GRM8: variants seen among roughly 807,000 people sequenced by gnomAD.
The protein encoded by GRM8 is metabotropic glutamate receptor 8.
A neutral mutation model predicts 87.2 loss-of-function variants in GRM8; 47 were observed. The ratio of observed to expected loss-of-function variants is 0.54; its 90% CI spans 0.43 to 0.69. The LOEUF (loss-of-function observed/expected upper bound fraction) is 0.69, where lower values mean the gene tolerates loss of function less well. GRM8 is among the 30% of genes least tolerant of loss of function. GRM8 has a pLI of 0.00. For synonymous variants in GRM8, 396 were observed against 404.5 expected (o/e 0.98, Z 0.25); for missense variants, 1,019 against 1,139.2 (o/e 0.89, Z 1.52).
chr7:126,742,929 A>G (rs1815182860), intron 7 of GRM8, among the ~76,000 whole-genome samples: 1 of 151,994 alleles, frequency 6.6e-6, no homozygotes, highest in South Asian at 2.1e-4. Flanking sequence ...AAGGGACTCT[A>G]TCTTACATAT....
At chr7:126,798,410 G>C (rs1325766322) in intron 6 of GRM8, among the ~76,000 whole-genome samples, 1 of 152,142 alleles carries the variant, frequency 6.6e-6, no homozygotes, top group African/African-American at 2.4e-5. Flanking sequence ...TTTACATTTA[G>C]AGAAGGGAGG....
chr7:126,766,360 G>A (rs1216145196), intron 7 of GRM8, among the ~76,000 whole-genome samples: 1 of 152,028 alleles, frequency 6.6e-6, no homozygotes, highest in African/African-American at 2.4e-5. Flanking sequence ...AACTAAAAAG[G>A]AGCATACAAA....
chr7:126,705,724 A>C (rs1432373607), intron 7 of GRM8, among the ~76,000 whole-genome samples: 3 of 152,216 alleles, frequency 2.0e-5, no homozygotes, highest in Non-Finnish European at 4.4e-5. Flanking sequence ...TAAAACTGTT[A>C]AGATTTTTCA....
At chr7:127,159,529 G>A (rs893479339) in intron 2 of GRM8, among the ~76,000 whole-genome samples, 3 of 151,458 alleles carry the variant, frequency 2.0e-5, no homozygotes, top group African/African-American at 7.3e-5. Context: ...AAGCATGCTG[G>A]AATAAATACA....
chr7:126,683,887 C>T (rs1807884867), intron 7 of GRM8, among the ~76,000 whole-genome samples: 1 of 152,156 alleles, frequency 6.6e-6, no homozygotes, highest in Non-Finnish European at 1.5e-5. Context: ...TTGGACTGCA[C>T]TCCCTTTTGT....
At chr7:126,504,873 G>T (rs1023611307) in intron 9 of GRM8, among the ~76,000 whole-genome samples, 5 of 151,950 alleles carry the variant, frequency 3.3e-5, no homozygotes, top group African/African-American at 1.2e-4. Flanking sequence ...AGAGCTTCTT[G>T]CCCACTAATT....
rs1466564771 is a variant in GRM8 at position 126,685,343 on chromosome 7, C to A, written c.1358-75845G>T. Among the ~76,000 whole-genome samples, 1 of 152,116 alleles carries A rather than the reference C, an allele frequency of 6.6e-6. No individual in the cohort carries two copies. Among genetic ancestry groups the A allele is most frequent in the Non-Finnish European group, 1.5e-5 (1 of 68,002 alleles). On this transcript the variant is annotated intron_variant, in intron 7 of 10. Transcript: ENST00000339582. The surrounding 1 kb of genome is among the most constrained non-coding windows in gnomAD (Gnocchi z 4.2). The stretch of plus-strand genomic sequence containing the variant: ...AGGCGGAGCCGGGCCTGGGGTGGTA[C>A]CATGCTTCAGGGAGCCTGCAAGAGC...
chr7:126,676,298 T>C (rs1229027437), intron 7 of GRM8, among the ~76,000 whole-genome samples: 1 of 152,208 alleles, frequency 6.6e-6, no homozygotes, highest in African/African-American at 2.4e-5. Context: ...ATGGCCATCC[T>C]GCCCAAAGCA....
chr7:127,220,072 C>T (rs1156616160), intron 2 of GRM8, among the ~76,000 whole-genome samples: 1 of 152,202 alleles, frequency 6.6e-6, no homozygotes, highest in South Asian at 2.1e-4. Flanking sequence ...ACATTGACTA[C>T]TTGTGTTAGA....
chr7:127,187,694 GCT>G (rs1489405119), intron 2 of GRM8, among the ~76,000 whole-genome samples: 1 of 152,148 alleles, frequency 6.6e-6, no homozygotes, highest in African/African-American at 2.4e-5. Flanking sequence ...CACGGCCTCT[GCT>G]GTGTCAGGTC....
rs539916723 is a variant in GRM8 at position 127,181,609 on chromosome 7, T to C, written c.510+61086A>G. Among the ~76,000 whole-genome samples the C allele has an allele frequency of 2.6e-5, 4 of 152,028 alleles. No individual in the cohort carries two copies. The East Asian group carries it at 7.7e-4, about 29-fold the overall frequency. ...GATTTCAAACTATACTATAAGGCCA[T>C]AGTCACCCAAACAGCATGGTACTGG... On this transcript the variant is annotated intron_variant, in intron 2 of 10. Coordinates refer to ENST00000339582, the MANE Select transcript of GRM8 (RefSeq NM_000845.3).
intron 8 of GRM8, among the ~76,000 whole-genome samples, chr7:126,563,890 C>T (rs759174157): frequency 2.6e-5 from 4 of 152,302 alleles, no homozygotes; most frequent in Middle Eastern, 3.4e-3. Flanking sequence ...TGTACATTAA[C>T]AGAGAAAGTG....
intron 3 of GRM8, among the ~76,000 whole-genome samples, chr7:126,931,389 C>T (rs1056185183): frequency 2.6e-5 from 4 of 152,126 alleles, no homozygotes; most frequent in African/African-American, 9.7e-5. Flanking sequence ...CATGCTTTTG[C>T]ATGTTTAGTA....
intron 6 of GRM8, among the ~76,000 whole-genome samples, chr7:126,793,300 C>G (rs550326064): frequency 1.3e-5 from 2 of 152,182 alleles, no homozygotes; most frequent in South Asian, 4.1e-4. Flanking sequence ...GTTCGGTTTG[C>G]TGTAATAAGA....
intron 3 of GRM8, among the ~76,000 whole-genome samples, chr7:127,014,551 ATGG>A (rs1815210483): frequency 1.3e-5 from 2 of 152,170 alleles, no homozygotes; most frequent in South Asian, 2.1e-4. Flanking sequence ...GTAAATGGAG[ATGG>A]TAATATTTAA....
At chr7:126,630,916 G>A (rs920214803) in intron 7 of GRM8, among the ~76,000 whole-genome samples, 1 of 152,076 alleles carries the variant, frequency 6.6e-6, no homozygotes, top group Non-Finnish European at 1.5e-5. Flanking sequence ...AACCCACACA[G>A]CCAATATCAT....
At chr7:126,967,905 G>A (rs1238385057) in intron 3 of GRM8, among the ~76,000 whole-genome samples, 1 of 152,160 alleles carries the variant, frequency 6.6e-6, no homozygotes, top group East Asian at 1.9e-4. Flanking sequence ...AGTAGGTTTT[G>A]AGGAAACTGC....
At chr7:126,810,603 G>A (rs1793198405) in intron 6 of GRM8, among the ~76,000 whole-genome samples, 1 of 152,066 alleles carries the variant, frequency 6.6e-6, no homozygotes, top group South Asian at 2.1e-4. Context: ...TCAGCCAGTT[G>A]GTTAACCTCT....
intron 6 of GRM8, among the ~76,000 whole-genome samples, chr7:126,851,493 C>T (rs1184303646): frequency 6.6e-6 from 1 of 152,186 alleles, no homozygotes; most frequent in African/African-American, 2.4e-5. Context: ...CTATGATGTG[C>T]TTGGTCTGGA....
Sources: allele counts gnomAD v4.1 joint callset (sites outside exome capture counted in the v4.1 genomes callset), GRCh38; gene constraint gnomAD v4.1.1; non-coding constraint Gnocchi (gnomAD v3.1); transcripts MANE v1.5; gene names NCBI Gene and HGNC (gene_info 2026-07-23, HGNC 2026-07-21).